Variants in ITGB6 observed in about 807,000 individuals in gnomAD.
The protein encoded by ITGB6 is integrin subunit beta 6, also known as integrin beta-6.
Under a neutral mutation model 84.5 loss-of-function variants are expected in ITGB6, and 80 were observed. The ratio of observed to expected loss-of-function variants is 0.95; its 90% CI spans 0.79 to 1.14. The LOEUF (loss-of-function observed/expected upper bound fraction) is 1.14, where lower values mean the gene tolerates loss of function less well. Ranked by LOEUF, ITGB6 falls within the 50% of genes most tolerant of loss-of-function variation. ITGB6 has a pLI of 0.00. For synonymous variants in ITGB6, 383 were observed against 354.9 expected (o/e 1.08, Z -0.89); for missense variants, 1,006 against 968.0 (o/e 1.04, Z -0.52).
intron 14 of ITGB6, among the ~76,000 whole-genome samples, chr2:160,105,659 T>C (rs532388663): frequency 4.5e-4 from 69 of 152,342 alleles, no homozygotes; most frequent in Admixed American, 1.1e-3. Flanking sequence ...GATTATATCA[T>C]GGGGCTTGCT....
chr2:160,180,113 C>CAAAAAAAAAAAAAAAAAAAAA (rs34572460), intron 4 of ITGB6, among the ~76,000 whole-genome samples: 1 of 82,098 alleles, frequency 1.2e-5, no homozygotes, highest in Non-Finnish European at 2.5e-5. Flanking sequence ...AACTCCACCT[C>CAAAAAAAAAAAAAAAAAAAAA]AAAAAAAAAA....
chr2:160,127,175 C>G (rs1189907558), intron 10 of ITGB6, among the ~76,000 whole-genome samples: 1 of 152,200 alleles, frequency 6.6e-6, no homozygotes, highest in Non-Finnish European at 1.5e-5. Flanking sequence ...CAAGCTGTCT[C>G]TTGTGGGGAA....
intron 4 of ITGB6, among the ~76,000 whole-genome samples, chr2:160,191,626 AC>A (rs1425688092): frequency 6.6e-6 from 1 of 152,224 alleles, no homozygotes; most frequent in Non-Finnish European, 1.5e-5. Context: ...GATTGTCCTC[AC>A]CTACTACATC....
intron 7 of ITGB6, among the ~76,000 whole-genome samples, chr2:160,160,514 C>T (rs576465943): frequency 1.3e-5 from 2 of 152,162 alleles, no homozygotes; most frequent in South Asian, 2.1e-4. Context: ...TTCAATAATG[C>T]CAAGACAACA....
chr2:160,155,902 T>C (rs1194259543), intron 7 of ITGB6, among the ~76,000 whole-genome samples: 1 of 152,232 alleles, frequency 6.6e-6, no homozygotes, highest in Non-Finnish European at 1.5e-5. Context: ...CTCACTTCAC[T>C]AGAATGGCTA....
At position 160,107,589 on chromosome 2, in the gene ITGB6, C is replaced by A. The variant is rs6724949; in HGVS notation, c.2268+90G>T. On this transcript the variant is annotated intron_variant, in intron 14 of 14. Coordinates refer to ENST00000283249, the MANE Select transcript of ITGB6 (RefSeq NM_000888.5). ...GGAGAGAAAAAATGTGACATTTGAA[C>A]TCCCAGAGCAGAAGAAAGCTGAGCC... 11,224 of 1,172,306 alleles carry A rather than the reference C, an allele frequency of 9.6e-3. 535 individuals are homozygous for A. The African/African-American group carries it at 0.12, about 13-fold the overall frequency. The allele number at this position is 1,172,306 out of a possible 1,614,324, so 72.6% of individuals were successfully genotyped here. A position where few individuals can be genotyped will look rare whatever the true frequency, so the allele number is the denominator to read the frequency against.
intron 14 of ITGB6, among the ~76,000 whole-genome samples, chr2:160,105,637 T>C (rs1027180216): frequency 6.6e-6 from 1 of 152,196 alleles, no homozygotes; most frequent in South Asian, 2.1e-4. Flanking sequence ...CTCTTCAAAA[T>C]GGAAATACCA....
At chr2:160,145,628 G>A (rs1684156323) in intron 7 of ITGB6, among the ~76,000 whole-genome samples, 1 of 152,188 alleles carries the variant, frequency 6.6e-6, no homozygotes, top group African/African-American at 2.4e-5. Context: ...CTCAGAGAGG[G>A]ACCCCCAGTT....
intron 10 of ITGB6, among the ~76,000 whole-genome samples, chr2:160,127,999 T>G (rs911556845): frequency 3.9e-5 from 6 of 152,196 alleles, no homozygotes; most frequent in African/African-American, 1.4e-4. Flanking sequence ...ACCAGTTAGA[T>G]GTCCCATAAG....
chr2:160,117,022 T>G (rs1426236384), intron 12 of ITGB6, among the ~76,000 whole-genome samples: 4 of 150,948 alleles, frequency 2.6e-5, no homozygotes, highest in East Asian at 1.9e-4. Flanking sequence ...AGCAAGTCCT[T>G]AGTGACCCAC....
intron 10 of ITGB6, among the ~76,000 whole-genome samples, chr2:160,129,359 T>C (rs1218148756): frequency 6.8e-6 from 1 of 147,634 alleles, no homozygotes; most frequent in African/African-American, 2.5e-5. Context: ...AAATAACATT[T>C]ATTTGCAAAC....
chr2:160,124,789 C>T (rs962698046), intron 11 of ITGB6, among the ~76,000 whole-genome samples: 2 of 152,236 alleles, frequency 1.3e-5, no homozygotes, highest in Non-Finnish European at 1.5e-5. Context: ...CAAACCTTCA[C>T]TAAACCTTAG....
chr2:160,187,447 G>T (rs970536424), intron 4 of ITGB6, among the ~76,000 whole-genome samples: 7 of 152,118 alleles, frequency 4.6e-5, no homozygotes, highest in East Asian at 3.9e-4. Flanking sequence ...CTGTTATCTA[G>T]TTTGAAGGTA....
chr2:160,157,806 A>G (rs1684681820), intron 7 of ITGB6, among the ~76,000 whole-genome samples: 1 of 151,634 alleles, frequency 6.6e-6, no homozygotes, highest in African/African-American at 2.4e-5. Context: ...TATCTGGTCA[A>G]AGAAAAACAG....
intron 4 of ITGB6, among the ~76,000 whole-genome samples, chr2:160,176,462 T>C (rs1364771630): frequency 1.3e-5 from 2 of 152,206 alleles, no homozygotes; most frequent in Non-Finnish European, 1.5e-5. Context: ...TCCTAATTAT[T>C]ATGTTTAACT....
At chr2:160,172,495 C>CTACACTAGTTGTGTAGTGAA (rs1685245758) in intron 6 of ITGB6, 74 bp downstream of exon 6, 1 of 1,328,168 alleles carries the variant, frequency 7.5e-7, no homozygotes, top group Admixed American at 1.9e-5. Context: ...TGTTATTTCA[C>CTACACTAGTTGTGTAGTGAA]ATGTATTACA....
At chr2:160,180,616 A>G (rs985604629) in intron 4 of ITGB6, among the ~76,000 whole-genome samples, 5 of 152,218 alleles carry the variant, frequency 3.3e-5, no homozygotes, top group African/African-American at 1.2e-4. Context: ...CTATTTTCAC[A>G]GTAATTCAGA....
intron 7 of ITGB6, among the ~76,000 whole-genome samples, chr2:160,149,282 G>A (rs530237267): frequency 1.3e-5 from 2 of 152,332 alleles, no homozygotes; most frequent in South Asian, 4.1e-4. Flanking sequence ...TTGCTGTTCT[G>A]CAGCCTCTGC....
chr2:160,146,293 T>C (rs1684183598), intron 7 of ITGB6, among the ~76,000 whole-genome samples: 1 of 152,222 alleles, frequency 6.6e-6, no homozygotes, highest in African/African-American at 2.4e-5. Context: ...TGATCAAATC[T>C]ATCACATTTT....
Sources: gnomAD v4.1 joint callset for allele counts (sites outside exome capture counted in the v4.1 genomes callset) on GRCh38, gnomAD v4.1.1 for gene constraint, MANE v1.5 for transcripts, NCBI Gene and HGNC (gene_info 2026-07-23, HGNC 2026-07-21) for gene names.